Variants in DCDC1 observed in about 807,000 individuals in gnomAD.
DCDC1 encodes the protein doublecortin domain-containing protein 1.
Under a neutral mutation model 178.3 loss-of-function variants are expected in DCDC1, and 200 were observed. The ratio of observed to expected loss-of-function variants is 1.12; its 90% CI spans 1.00 to 1.26. The LOEUF (loss-of-function observed/expected upper bound fraction) is 1.26. Ranked by LOEUF, DCDC1 falls within the 50% of genes most tolerant of loss-of-function variation. The pLI, the probability that DCDC1 is intolerant of heterozygous loss-of-function variation, is 0.00. For synonymous variants in DCDC1, 690 were observed against 604.8 expected (o/e 1.14, Z -2.07); for missense variants, 1,983 against 1,749.2 (o/e 1.13, Z -2.38).
intron 30 of DCDC1, 31 bp downstream of exon 30, chr11:30,906,509 A>G (rs1343409837): frequency 6.3e-7 from 1 of 1,577,700 alleles, no homozygotes; most frequent in Non-Finnish European, 8.6e-7. Context: ...GTTGCCATAC[A>G]TGCATTAGCA....
intron 20 of DCDC1, among the ~76,000 whole-genome samples, chr11:31,047,176 A>G (rs1457045903): frequency 6.6e-6 from 1 of 152,144 alleles, no homozygotes; most frequent in Non-Finnish European, 1.5e-5. Context: ...TCTTTTTTAT[A>G]AAAGCAAAAA....
chr11:31,118,229 T>A (rs1264335683), intron 11 of DCDC1, among the ~76,000 whole-genome samples: 1 of 152,040 alleles, frequency 6.6e-6, no homozygotes, highest in East Asian at 1.9e-4. Context: ...TTACTGCCAT[T>A]CAGTTTCATT....
intron 20 of DCDC1, among the ~76,000 whole-genome samples, chr11:31,030,057 T>A (rs1403573937): frequency 6.6e-6 from 1 of 151,880 alleles, no homozygotes; most frequent in Non-Finnish European, 1.5e-5. Flanking sequence ...AATAAAATGA[T>A]GTGAAATATA....
intron 8 of DCDC1, among the ~76,000 whole-genome samples, chr11:31,259,707 A>G (rs1240490322): frequency 1.3e-5 from 2 of 152,294 alleles, no homozygotes; most frequent in East Asian, 3.9e-4. Context: ...GATACTGTAA[A>G]CTTATGCTGT....
At chr11:30,994,722 T>G (rs934650763) in intron 20 of DCDC1, among the ~76,000 whole-genome samples, 6 of 144,598 alleles carry the variant, frequency 4.1e-5, no homozygotes, top group African/African-American at 1.0e-4. Flanking sequence ...GTATATGTTA[T>G]AATATATTAT....
rs149143871 is a variant in DCDC1 at position 31,096,958 on chromosome 11, C to T, written c.1984-2774G>A. On this transcript the variant is annotated intron_variant, in intron 15 of 38. Transcript: ENST00000684477. ...GCGCGCCCGTGTACACACATGCATG[C>T]GCATATGTGTTTAAGAACATTTAGA... is the stretch of plus-strand genomic sequence containing the variant. Among the ~76,000 whole-genome samples the T allele has an allele frequency of 1.3e-3, 196 of 152,212 alleles. 1 individual carries two copies. In the East Asian group the frequency reaches 0.017, roughly 13 times the overall value.
chr11:31,332,356 G>A (rs1329622549), intron 2 of DCDC1, among the ~76,000 whole-genome samples: 1 of 152,076 alleles, frequency 6.6e-6, no homozygotes, highest in African/African-American at 2.4e-5. Flanking sequence ...GTTTTTTGAA[G>A]GGATTTTGTG....
At chr11:30,910,462 T>C (rs1252954124) in intron 28 of DCDC1, among the ~76,000 whole-genome samples, 1 of 152,186 alleles carries the variant, frequency 6.6e-6, no homozygotes, top group Non-Finnish European at 1.5e-5. Context: ...TTGGTATTTG[T>C]CCAGATTGCT....
At chr11:30,888,245 C>T (rs1363622037) in intron 36 of DCDC1, among the ~76,000 whole-genome samples, 1 of 152,078 alleles carries the variant, frequency 6.6e-6, no homozygotes, top group South Asian at 2.1e-4. Flanking sequence ...ACAGGCCTAC[C>T]TACGCATCTT....
chr11:30,997,842 C>T (rs1402382759), intron 20 of DCDC1, among the ~76,000 whole-genome samples: 2 of 152,008 alleles, frequency 1.3e-5, no homozygotes, highest in Non-Finnish European at 2.9e-5. Context: ...TGTACACACA[C>T]TAGCATCCAG....
At chr11:30,906,366 T>G in intron 30 of DCDC1, 174 bp downstream of exon 30, 5 of 657,530 alleles carry the variant, frequency 7.6e-6, no homozygotes, top group Non-Finnish European at 9.9e-6. Context: ...AGACAATGCA[T>G]TTTAAATTAC....
chr11:30,942,559 C>T (rs946203669), intron 21 of DCDC1, among the ~76,000 whole-genome samples: 4 of 152,168 alleles, frequency 2.6e-5, no homozygotes, highest in Admixed American at 1.3e-4. Context: ...TGATACATGT[C>T]GATTCATAGA....
intron 38 of DCDC1, among the ~76,000 whole-genome samples, chr11:30,868,559 C>T (rs1941236100): frequency 6.6e-6 from 1 of 152,008 alleles, no homozygotes; most frequent in African/African-American, 2.4e-5. Context: ...CCCATACCTG[C>T]TCTATAGAGA....
intron 22 of DCDC1, among the ~76,000 whole-genome samples, chr11:30,928,091 C>T (rs1946702562): frequency 6.6e-6 from 1 of 152,084 alleles, no homozygotes; most frequent in Non-Finnish European, 1.5e-5. Flanking sequence ...TAGAAGATCC[C>T]TCATAAATAG....
At chr11:31,027,295 C>G (rs1170453270) in intron 20 of DCDC1, among the ~76,000 whole-genome samples, 2 of 151,728 alleles carry the variant, frequency 1.3e-5, no homozygotes, top group East Asian at 3.9e-4. Flanking sequence ...ATTCATGTTG[C>G]CTAAATTCTC....
chr11:31,096,698 TAAAA>T (rs543052944), intron 15 of DCDC1, among the ~76,000 whole-genome samples: 1 of 143,864 alleles, frequency 7.0e-6, no homozygotes. Context: ...ATTGTGTTAT[TAAAA>T]AAAAAAAAAA....
intron 21 of DCDC1, among the ~76,000 whole-genome samples, chr11:30,947,615 A>G (rs1948131472): frequency 6.6e-6 from 1 of 152,186 alleles, no homozygotes; most frequent in Admixed American, 6.6e-5. Context: ...AACTATTAGA[A>G]GAAAACATTA....
chr11:31,072,922 C>G (rs2135533004), intron 18 of DCDC1, among the ~76,000 whole-genome samples: 1 of 152,202 alleles, frequency 6.6e-6, no homozygotes, highest in East Asian at 1.9e-4. Flanking sequence ...TAAGGCCACA[C>G]AGCTAATAAG....
At chr11:31,231,285 T>G (rs1975751496) in intron 9 of DCDC1, among the ~76,000 whole-genome samples, 1 of 152,082 alleles carries the variant, frequency 6.6e-6, no homozygotes, top group Non-Finnish European at 1.5e-5. Context: ...TGTATTTCTA[T>G]CCCACTTCTT....
Sources: allele counts gnomAD v4.1 joint callset (sites outside exome capture counted in the v4.1 genomes callset), GRCh38; gene constraint gnomAD v4.1.1; transcripts MANE v1.5; gene names NCBI Gene and HGNC (gene_info 2026-07-23, HGNC 2026-07-21).